BRWD1: variants seen among roughly 807,000 people sequenced by gnomAD.
BRWD1 encodes the protein bromodomain and WD repeat-containing protein 1.
In BRWD1, 82 loss-of-function variants were observed where a neutral mutation model predicts 251.2. The ratio of observed to expected loss-of-function variants is 0.33; its 90% confidence interval spans 0.27 to 0.39. BRWD1 has a LOEUF of 0.39. Ranked by LOEUF, BRWD1 falls within the 10% of genes least tolerant of loss-of-function variation. The pLI, the probability that BRWD1 is intolerant of heterozygous loss-of-function variation, is 1.00. For missense variants in BRWD1, 2,233 were observed against 2,711.6 expected (o/e 0.82, Z 3.92); for synonymous variants, 918 against 902.8 (o/e 1.02, Z -0.30).
intron 7 of BRWD1, among the ~76,000 whole-genome samples, chr21:39,294,760 G>A (rs187067152): frequency 6.6e-6 from 1 of 152,088 alleles, no homozygotes; most frequent in African/African-American, 2.4e-5. Context: ...AGGACTAAGT[G>A]GCAATCCCAA....
chr21:39,206,404 TTC>T (rs1348032039), intron 36 of BRWD1, 130 bp from the exon 37 acceptor site: 11 of 656,184 alleles, frequency 1.7e-5, no homozygotes, highest in Admixed American at 3.4e-5. Flanking sequence ...CACCCACTTC[TTC>T]TGTTTCCAAC....
intron 4 of BRWD1, among the ~76,000 whole-genome samples, chr21:39,305,365 T>C (rs1369735275): frequency 6.6e-6 from 1 of 152,192 alleles, no homozygotes; most frequent in African/African-American, 2.4e-5. Flanking sequence ...TCAACTTTTA[T>C]CCCTTAGATA....
At chr21:39,289,955 C>G (rs111339389) in intron 8 of BRWD1, among the ~76,000 whole-genome samples, 10,034 of 149,792 alleles carry the variant, frequency 0.067, 495 homozygotes, top group Non-Finnish European at 0.1. Context: ...AACCCGGGAG[C>G]CAGAGCTTGC....
At chr21:39,258,418 A>G in intron 18 of BRWD1, 69 bp downstream of exon 18, 1 of 1,319,972 alleles carries the variant, frequency 7.6e-7, no homozygotes, top group Non-Finnish European at 1.0e-6. Context: ...TGTACCTGAC[A>G]AAGACTTCGT....
intron 8 of BRWD1, among the ~76,000 whole-genome samples, chr21:39,293,350 G>A (rs759720364): frequency 3.3e-5 from 5 of 151,900 alleles, no homozygotes; most frequent in South Asian, 2.1e-4. Flanking sequence ...AAAATTAGCC[G>A]GGTGTGGTGG....
In BRWD1 at chr21:39,250,800, T is replaced by A; in HGVS notation, c.2345A>T (p.His782Leu). The change falls in exon 20 of 41, where the codon CAT (histidine) becomes CTT (leucine). Residue 782 changes from histidine (H) to leucine (L), a missense_variant. This residue lies in a region of BRWD1 where 214 missense variants were observed against 222.0 expected (regional missense o/e 0.96). Coordinates refer to ENST00000342449, the MANE Select transcript of BRWD1 (RefSeq NM_033656.4). ...AGAAAACAGAATTTAGGTTACCTTA[T>A]GTGAGAGCTGAAGAGTCTTTCTTTT... ...GRKRKTLQLS[H>L]KSDSVVLVSQ... 1 of 1,569,320 alleles carries A rather than the reference T, an allele frequency of 6.4e-7. No homozygotes were observed. Among genetic ancestry groups the A allele is most frequent in the Non-Finnish European group, 8.7e-7 (1 of 1,153,698 alleles).
intron 23 of BRWD1, chr21:39,235,827 C>T: frequency 5.9e-6 from 1 of 170,012 alleles, no homozygotes. Context: ...CACTGCGGGG[C>T]AGCCCAAGAG....
chr21:39,250,964 G>T, intron 19 of BRWD1, 75 bp from the exon 20 acceptor site: 1 of 830,180 alleles, frequency 1.2e-6, no homozygotes, highest in Non-Finnish European at 1.8e-6. Context: ...ATAAAAACCA[G>T]TGTGATTCTA....
chr21:39,245,712 GC>G (rs1205263458), intron 21 of BRWD1, among the ~76,000 whole-genome samples: 1 of 150,510 alleles, frequency 6.6e-6, no homozygotes, highest in Admixed American at 6.7e-5. Context: ...CTATTCTCCT[GC>G]CTCAGCCTCC....
At chr21:39,278,295 A>G (rs1185516597) in intron 10 of BRWD1, among the ~76,000 whole-genome samples, 21 of 152,226 alleles carry the variant, frequency 1.4e-4, no homozygotes, top group Admixed American at 1.4e-3. Flanking sequence ...TTTATGAGGG[A>G]AAAGTCTTTG....
chr21:39,232,003 A>G (rs2033634467), intron 25 of BRWD1, among the ~76,000 whole-genome samples, 174 bp downstream of exon 25: 1 of 152,194 alleles, frequency 6.6e-6, no homozygotes, highest in Non-Finnish European at 1.5e-5. Flanking sequence ...AATTTTGCCC[A>G]CTGACAAACA....
intron 20 of BRWD1, 123 bp from the exon 21 acceptor site, chr21:39,247,955 A>G: frequency 1.7e-6 from 2 of 1,186,398 alleles, no homozygotes; most frequent in African/African-American, 3.2e-5. Flanking sequence ...GCTTAAAAAG[A>G]AGGTAGCATT....
chr21:39,299,560 A>C (rs956224493), intron 4 of BRWD1, among the ~76,000 whole-genome samples: 2 of 152,210 alleles, frequency 1.3e-5, no homozygotes, highest in Non-Finnish European at 2.9e-5. Context: ...TATTGCTCTC[A>C]TCTCGACAAT....
chr21:39,230,555 C>T lies in BRWD1; in HGVS notation c.3001-1119G>A, dbSNP rs57712468. On this transcript the variant is annotated intron_variant, in intron 25 of 40. Transcript: ENST00000342449. ...CGTAACTTGGTTTTATGCGTGTTTC[C>T]GTTTAAAGGTACCTTATTTAATATG... Among the ~76,000 whole-genome samples, 519 of 152,186 alleles carry T rather than the reference C, an allele frequency of 3.4e-3. 3 individuals carry two copies. Among genetic ancestry groups the T allele is most frequent in the East Asian group, 0.011 (57 of 5,182 alleles).
chr21:39,266,842 TA>T (rs886347500), intron 15 of BRWD1, among the ~76,000 whole-genome samples: 4 of 152,230 alleles, frequency 2.6e-5, no homozygotes, highest in African/African-American at 9.6e-5. Context: ...GAAATGTCAG[TA>T]AACAAGGCCA....
In BRWD1 at chr21:39,313,118, C is replaced by T. The variant is rs758859218; in HGVS notation, c.109-17G>A. On this transcript the variant is annotated splice_polypyrimidine_tract_variant and intron_variant, in intron 2 of 40. Transcript: ENST00000342449. ...CACCAGCACCTGCGGCCGAGAGACG[C>T]GCGGTCAGGGGTGGGGTCGGGCCCG... 16 of 1,496,062 alleles carry T rather than the reference C, an allele frequency of 1.1e-5. 1 individual carries two copies. In the South Asian group the frequency reaches 2.0e-4, roughly 19 times the overall value. The allele number at this position is 1,496,062 out of a possible 1,614,324, so 92.7% of individuals were successfully genotyped here. A position where few individuals can be genotyped will look rare whatever the true frequency, so the allele number is the denominator to read the frequency against.
intron 4 of BRWD1, among the ~76,000 whole-genome samples, chr21:39,300,741 G>A (rs542228206): frequency 6.6e-6 from 1 of 152,268 alleles, no homozygotes; most frequent in Non-Finnish European, 1.5e-5. Context: ...GGTCAAGAGG[G>A]GAAATGGTCA....
At position 39,200,346 on chromosome 21, in the gene BRWD1, C is replaced by T. The variant is rs199702540; in HGVS notation, c.4626G>A (p.Ser1542=). 1.1e-5 allele frequency: 17 copies of T among 1,613,448 alleles called. No individual in the cohort carries two copies. The highest frequency in any genetic ancestry group is 3.3e-5 in the South Asian group (3 of 90,952). Residue 1542 remains serine (S), a synonymous_variant, in exon 39 of 41, where the codon TCG becomes TCA. Coordinates refer to ENST00000342449, the MANE Select transcript of BRWD1 (RefSeq NM_033656.4). ...VEDSLATSLS[S]SASSSSEESK... is the part of the protein sequence containing the mutation. The stretch of plus-strand genomic sequence containing the variant: ...TTTCCTCAGAACTACTGGAAGCTGA[C>T]GATGACAAAGAGGTAGCTAAAGAAT...
intron 13 of BRWD1, among the ~76,000 whole-genome samples, chr21:39,273,368 A>G (rs571094480): frequency 8.5e-5 from 13 of 152,334 alleles, no homozygotes; most frequent in African/African-American, 2.6e-4. Flanking sequence ...TTTCCAGTAT[A>G]TATACTTTTC....
Sources: gnomAD v4.1 joint callset for allele counts (sites outside exome capture counted in the v4.1 genomes callset) on GRCh38, gnomAD v4.1.1 for gene constraint, gnomAD v4.1.1 regional missense constraint, MANE v1.5 for transcripts, NCBI Gene and HGNC (gene_info 2026-07-23, HGNC 2026-07-21) for gene names.